Variants in RALGAPA2 observed in about 807,000 individuals in gnomAD.
RALGAPA2 encodes ral GTPase-activating protein subunit alpha-2.
In RALGAPA2, 139 loss-of-function variants were observed where a neutral mutation model predicts 230.4. That is an observed-to-expected ratio of 0.60 (90% CI 0.53 to 0.69). RALGAPA2 has a LOEUF of 0.69. Among genes scored for constraint, RALGAPA2 ranks in the 30% least tolerant of loss-of-function variants. RALGAPA2 has a pLI of 0.00. For missense variants in RALGAPA2, 2,163 were observed against 2,276.0 expected, an observed-to-expected ratio of 0.95 and a Z score of 1.01; for synonymous variants, 847 against 837.8, an observed-to-expected ratio of 1.01 and a Z score of -0.19.
chr20:20,490,896 T>G (rs200814295), intron 36 of RALGAPA2, among the ~76,000 whole-genome samples: 1 of 98,760 alleles, frequency 1.0e-5, no homozygotes, highest in Non-Finnish European at 2.2e-5. Context: ...ACACACACAC[T>G]CACACTCACT....
At chr20:20,568,231 A>G (rs1010169903) in intron 23 of RALGAPA2, among the ~76,000 whole-genome samples, 2 of 152,202 alleles carry the variant, frequency 1.3e-5, no homozygotes, top group African/African-American at 4.8e-5. Flanking sequence ...ATTCATTGTC[A>G]AGGAAAAAAT....
intron 37 of RALGAPA2, among the ~76,000 whole-genome samples, chr20:20,434,182 A>C (rs970591007): frequency 6.6e-6 from 1 of 152,166 alleles, no homozygotes; most frequent in Admixed American, 6.5e-5. Flanking sequence ...AATAAAACAA[A>C]TTTTAATACA....
chr20:20,574,568 C>T (rs981270471), intron 20 of RALGAPA2, among the ~76,000 whole-genome samples: 1 of 151,952 alleles, frequency 6.6e-6, no homozygotes, highest in African/African-American at 2.4e-5. Flanking sequence ...TTAGAGTAAA[C>T]AGAAAAGCAG....
intron 12 of RALGAPA2, among the ~76,000 whole-genome samples, chr20:20,618,971 G>A (rs1603084716): frequency 6.6e-6 from 1 of 152,060 alleles, no homozygotes; most frequent in Admixed American, 6.5e-5. Flanking sequence ...ATAAGTGTTT[G>A]GAAGATAATT....
intron 7 of RALGAPA2, among the ~76,000 whole-genome samples, chr20:20,638,959 A>G (rs2066943053): frequency 6.6e-6 from 1 of 152,222 alleles, no homozygotes; most frequent in African/African-American, 2.4e-5. Context: ...TGCCAGAGAA[A>G]ATATCAGAAG....
chr20:20,617,959 A>G (rs2066199731), intron 12 of RALGAPA2, among the ~76,000 whole-genome samples: 1 of 152,204 alleles, frequency 6.6e-6, no homozygotes, highest in African/African-American at 2.4e-5. Context: ...AGGCAAGGAC[A>G]GTAAGTCCTC....
intron 39 of RALGAPA2, 55 bp from the exon 40 acceptor site, chr20:20,393,308 C>A: frequency 2.5e-6 from 3 of 1,203,430 alleles, no homozygotes; most frequent in Non-Finnish European, 3.2e-6. Flanking sequence ...GCTCTACGGC[C>A]ACACATTTCA....
intron 20 of RALGAPA2, among the ~76,000 whole-genome samples, chr20:20,576,604 G>A (rs1203004905): frequency 6.6e-6 from 1 of 152,034 alleles, no homozygotes; most frequent in Non-Finnish European, 1.5e-5. Context: ...TTATAAGTGA[G>A]ATGGTCTCTA....
intron 24 of RALGAPA2, among the ~76,000 whole-genome samples, chr20:20,541,387 A>G (rs1025910797): frequency 6.6e-6 from 1 of 152,248 alleles, no homozygotes; most frequent in African/African-American, 2.4e-5. Flanking sequence ...GAGATTAGCA[A>G]TAACTGCTAA....
chr20:20,540,875 T>C lies in RALGAPA2; in HGVS notation c.3286-4091A>G, dbSNP rs187821529. The stretch of plus-strand genomic sequence containing the variant: ...TCCTTATCAATATGTTTTTAACCTA[T>C]GTCTTTGGGGATGTGTTGGTTGTGA... On this transcript the variant is annotated intron_variant, in intron 24 of 39. Coordinates refer to ENST00000202677, the MANE Select transcript of RALGAPA2 (RefSeq NM_020343.4). 2.9e-3 allele frequency among the ~76,000 whole-genome samples: 445 copies of C among 152,156 alleles called. 2 individuals are homozygous for C. Among genetic ancestry groups the C allele is most frequent in the African/African-American group, 1.0e-2 (415 of 41,536 alleles).
intron 34 of RALGAPA2, among the ~76,000 whole-genome samples, chr20:20,504,526 A>G (rs2062470595): frequency 6.6e-6 from 1 of 152,160 alleles, no homozygotes; most frequent in Admixed American, 6.5e-5. Context: ...GATCAAGACC[A>G]TCGTGGCCAA....
chr20:20,685,753 C>T (rs987706202), intron 1 of RALGAPA2, among the ~76,000 whole-genome samples: 1 of 152,186 alleles, frequency 6.6e-6, no homozygotes, highest in Non-Finnish European at 1.5e-5. Context: ...GAAGCAGCTC[C>T]TGGAACTTGC....
chr20:20,526,271 A>G lies in RALGAPA2; in HGVS notation c.3674T>C (p.Leu1225Pro). Residue 1225 changes from leucine to proline, a missense_variant, in exon 28 of 40, where the codon CTG becomes CCG. Coordinates refer to ENST00000202677, the MANE Select transcript of RALGAPA2 (RefSeq NM_020343.4). ...ACTTACTTCTGCCATTTTCCGAGGC[A>G]GAGAGGTTTCAAACATCTGAAGCTT... ...WEKLQMFETS[L>P]PRKMAEILVA... is the part of the protein sequence containing the mutation. 1 of 1,604,986 alleles carries G rather than the reference A, an allele frequency of 6.2e-7. No individual in the cohort carries two copies. The highest frequency in any genetic ancestry group is 8.5e-7 in the Non-Finnish European group (1 of 1,174,204).
At chr20:20,418,139 G>A (rs1180515068) in intron 37 of RALGAPA2, among the ~76,000 whole-genome samples, 1 of 152,142 alleles carries the variant, frequency 6.6e-6, no homozygotes, top group South Asian at 2.1e-4. Context: ...AGCTGGCAAG[G>A]GGTAGGTGCC....
intron 3 of RALGAPA2, among the ~76,000 whole-genome samples, chr20:20,663,794 G>T (rs1302065962): frequency 2.6e-5 from 4 of 152,122 alleles, no homozygotes; most frequent in Non-Finnish European, 5.9e-5. Flanking sequence ...GTTTCACCCT[G>T]TTGGCCAGGC....
intron 28 of RALGAPA2, among the ~76,000 whole-genome samples, chr20:20,525,881 T>G (rs939824770): frequency 6.6e-6 from 1 of 152,136 alleles, no homozygotes; most frequent in African/African-American, 2.4e-5. Context: ...GAGACTTCTG[T>G]TTTACACAAC....
intron 37 of RALGAPA2, among the ~76,000 whole-genome samples, chr20:20,443,057 G>A (rs2060774543): frequency 6.6e-6 from 1 of 152,170 alleles, no homozygotes. Context: ...TTTTACAATA[G>A]CTGCATTTAA....
intron 37 of RALGAPA2, among the ~76,000 whole-genome samples, chr20:20,412,421 T>C (rs1286049049): frequency 6.6e-6 from 1 of 152,150 alleles, no homozygotes; most frequent in East Asian, 1.9e-4. Flanking sequence ...CATAAGATCA[T>C]TAGGGTCGAT....
chr20:20,557,950 T>A (rs966491151), intron 23 of RALGAPA2, among the ~76,000 whole-genome samples: 14 of 152,142 alleles, frequency 9.2e-5, no homozygotes, highest in South Asian at 2.1e-4. Flanking sequence ...TGAAGCACCA[T>A]TTAATATTCG....
Sources: allele counts gnomAD v4.1 joint callset (sites outside exome capture counted in the v4.1 genomes callset), GRCh38; gene constraint gnomAD v4.1.1; transcripts MANE v1.5; gene names NCBI Gene and HGNC (gene_info 2026-07-23, HGNC 2026-07-21).